Variants in IL1RAPL2 observed in about 807,000 individuals in gnomAD.
IL1RAPL2 encodes the protein X-linked interleukin-1 receptor accessory protein-like 2.
A neutral mutation model predicts 44.1 loss-of-function variants in IL1RAPL2; 3 were observed. The ratio of observed to expected loss-of-function variants is 0.07; its 90% CI spans 0.03 to 0.18. The LOEUF is 0.18. Ranked by LOEUF, IL1RAPL2 falls within the 10% of genes least tolerant of loss-of-function variation. The pLI is 1.00. For synonymous variants in IL1RAPL2, 181 were observed against 178.8 expected, an observed-to-expected ratio of 1.01 and a Z score of -0.10; for missense variants, 391 against 496.4, an observed-to-expected ratio of 0.79 and a Z score of 2.02.
At chrX:105,408,192 A>G (rs1287834442) in intron 5 of IL1RAPL2, among the ~76,000 whole-genome samples, 1 of 112,369 alleles carries the variant, frequency 8.9e-6, no homozygotes, top group African/African-American at 3.2e-5. Context: ...TGGCTGGTCC[A>G]AGATGTAATA....
intron 5 of IL1RAPL2, among the ~76,000 whole-genome samples, chrX:105,271,688 A>G (rs1404658803): frequency 2.7e-5 from 3 of 110,804 alleles, no homozygotes; most frequent in African/African-American, 9.9e-5. Context: ...ATGTTCTTCC[A>G]TTTGTTTGTA....
chrX:105,287,857 G>A (rs1010961925), intron 5 of IL1RAPL2, among the ~76,000 whole-genome samples: 6 of 111,492 alleles, frequency 5.4e-5, no homozygotes, highest in African/African-American at 2.0e-4. Context: ...GTGCTACTAT[G>A]TATCAGGCAC....
At chrX:104,933,198 A>G (rs753998881) in intron 2 of IL1RAPL2, among the ~76,000 whole-genome samples, 10 of 111,630 alleles carry the variant, frequency 9.0e-5, no homozygotes, top group Non-Finnish European at 1.5e-4. Flanking sequence ...CAGCAAACCA[A>G]CATGGCACAT....
At chrX:105,561,787 A>G (rs1440954535) in intron 6 of IL1RAPL2, among the ~76,000 whole-genome samples, 1 of 111,726 alleles carries the variant, frequency 9.0e-6, no homozygotes, top group Non-Finnish European at 1.9e-5. Flanking sequence ...TTGCTACAAT[A>G]TATTTCTTAA....
intron 5 of IL1RAPL2, among the ~76,000 whole-genome samples, chrX:105,408,239 T>A (rs2035664411): frequency 8.9e-6 from 1 of 112,043 alleles, no homozygotes; most frequent in South Asian, 3.7e-4. Flanking sequence ...TTACTTATAT[T>A]TTTTGTGTTT....
chrX:105,117,090 C>T (rs1329389677), intron 2 of IL1RAPL2, among the ~76,000 whole-genome samples: 1 of 112,039 alleles, frequency 8.9e-6, no homozygotes, highest in Non-Finnish European at 1.9e-5. Context: ...TTTTGGTGTA[C>T]CTTTCACATC....
At chrX:104,691,587 C>A (rs1178467274) in intron 2 of IL1RAPL2, among the ~76,000 whole-genome samples, 2 of 111,868 alleles carry the variant, frequency 1.8e-5, no homozygotes, top group Admixed American at 9.5e-5. Flanking sequence ...ACAGCAGGGA[C>A]CTTCATATAA....
rs751296897 is a variant in IL1RAPL2 at position 104,595,484 on chromosome X, ACTTT to A, written c.-20+28438_-20+28441del. 2.7e-5 allele frequency among the ~76,000 whole-genome samples: 3 copies of A among 111,770 alleles called. No individual in the cohort carries two copies. In the South Asian group the frequency reaches 1.1e-3, roughly 42 times the overall value. On this transcript the variant is annotated intron_variant, in intron 1 of 10. Coordinates refer to ENST00000372582, the MANE Select transcript of IL1RAPL2 (RefSeq NM_017416.2). ...TTTAAAAATCTTGCAATTGTCAATA[ACTTT>A]CTTTAGTGTGTTGGAGAAAGTCCAG...
intron 2 of IL1RAPL2, among the ~76,000 whole-genome samples, chrX:105,188,448 C>T (rs73638483): frequency 0.058 from 6,412 of 111,426 alleles, 456 homozygotes; most frequent in African/African-American, 0.2. Flanking sequence ...AGTTGAGGAG[C>T]TGGTTGTAAT....
rs781938501 is a variant in IL1RAPL2, at chrX:105,195,450, T to TA, written c.83-24dup. ...AGTGTCAACAATGCTCACTGTATCT[T>TA]ATACCTCTTCTGATTTTCTTTCAGT... On this transcript the variant is annotated intron_variant, in intron 2 of 10. Coordinates refer to ENST00000372582, the MANE Select transcript of IL1RAPL2 (RefSeq NM_017416.2). 2,362 of 1,203,667 alleles carry TA rather than the reference T, an allele frequency of 2.0e-3. 5 individuals carry two copies. The highest frequency in any genetic ancestry group is 2.4e-3 in the Non-Finnish European group (2,147 of 889,679).
intron 2 of IL1RAPL2, among the ~76,000 whole-genome samples, chrX:105,073,506 T>C (rs762919306): frequency 6.3e-5 from 7 of 110,604 alleles, no homozygotes; most frequent in Admixed American, 2.9e-4. Context: ...AATAAACATA[T>C]GTGTGCATGT....
intron 2 of IL1RAPL2, among the ~76,000 whole-genome samples, chrX:104,942,309 A>G (rs1328959454): frequency 8.9e-6 from 1 of 112,115 alleles, no homozygotes; most frequent in Non-Finnish European, 1.9e-5. Context: ...CATTTTCACA[A>G]TATTGATTCT....
chrX:105,582,413 T>C (rs1189902309), intron 6 of IL1RAPL2, among the ~76,000 whole-genome samples: 2 of 111,478 alleles, frequency 1.8e-5, no homozygotes, highest in African/African-American at 6.5e-5. Flanking sequence ...TTGGGGAGAA[T>C]TGACCTGTTA....
intron 2 of IL1RAPL2, among the ~76,000 whole-genome samples, chrX:105,018,675 A>C (rs1373039631): frequency 9.0e-6 from 1 of 111,494 alleles, no homozygotes; most frequent in Non-Finnish European, 1.9e-5. Context: ...GATAACAAAT[A>C]GTATTATTGA....
At chrX:105,680,277 G>T (rs1226382615) in intron 6 of IL1RAPL2, among the ~76,000 whole-genome samples, 1 of 112,114 alleles carries the variant, frequency 8.9e-6, no homozygotes, top group Admixed American at 9.5e-5. Context: ...GGGATTACAG[G>T]CATGAGCCAC....
At chrX:104,634,795 C>T (rs1929753791) in intron 1 of IL1RAPL2, among the ~76,000 whole-genome samples, 1 of 111,699 alleles carries the variant, frequency 9.0e-6, no homozygotes, top group Non-Finnish European at 1.9e-5. Context: ...TGACTCTATC[C>T]AATTTGCCAG....
At position 105,434,036 on chromosome X, in the gene IL1RAPL2, A is replaced by G. The variant is rs375705933; in HGVS notation, c.698-50277A>G. ...ATTTAAAGAACTCTTAGACTCAATAATAAGAAAACCAACAACACAATGAAA... is the reference window on the plus strand; with the variant it reads ...ATTTAAAGAACTCTTAGACTCAATAGTAAGAAAACCAACAACACAATGAAA... On this transcript the variant is annotated intron_variant, in intron 5 of 10. Transcript: ENST00000372582. Among the ~76,000 whole-genome samples the G allele has an allele frequency of 2.3e-4, 26 of 111,797 alleles. 1 individual carries two copies. The East Asian group carries it at 7.0e-3, about 30-fold the overall frequency.
rs2031913072 is a variant in IL1RAPL2, at chrX:105,050,970, G to T, written c.83-144505G>T. ...TGCCCTCTGCCCTGCTCCAAGTTGGGTGCTTTTACGGACCTCGGAGGAGAG... is the reference window on the plus strand; with the variant it reads ...TGCCCTCTGCCCTGCTCCAAGTTGGTTGCTTTTACGGACCTCGGAGGAGAG... On this transcript the variant is annotated intron_variant, in intron 2 of 10. Transcript: ENST00000372582. Among the ~76,000 whole-genome samples the T allele has an allele frequency of 3.6e-5, 4 of 112,391 alleles. No homozygotes were observed. In the Admixed American group the frequency reaches 3.7e-4, roughly 11 times the overall value.
chrX:105,300,388 A>G (rs2147674173), intron 5 of IL1RAPL2, among the ~76,000 whole-genome samples: 1 of 110,523 alleles, frequency 9.0e-6, no homozygotes, highest in South Asian at 4.0e-4. Context: ...AGGAGGTGCT[A>G]CATATTTCTA....
Sources: allele counts gnomAD v4.1 joint callset (sites outside exome capture counted in the v4.1 genomes callset), GRCh38; gene constraint gnomAD v4.1.1; transcripts MANE v1.5; gene names NCBI Gene and HGNC (gene_info 2026-07-23, HGNC 2026-07-21).